Variants in ASB9 observed in about 807,000 individuals in gnomAD.
The protein encoded by ASB9 is ankyrin repeat and SOCS box protein 9.
A neutral mutation model predicts 16.6 loss-of-function variants in ASB9; 5 were observed. That is an observed-to-expected ratio of 0.30 (90% confidence interval 0.16 to 0.63). ASB9 has a LOEUF of 0.63. ASB9 is among the 30% of genes least tolerant of loss of function. The pLI is 0.82. For synonymous variants in ASB9, 100 were observed against 86.4 expected (o/e 1.16, Z -0.87); for missense variants, 216 against 229.4 (o/e 0.94, Z 0.38).
intron 3 of ASB9, among the ~76,000 whole-genome samples, chrX:15,252,623 C>CA (rs759822910): frequency 8.9e-6 from 1 of 111,964 alleles, no homozygotes; most frequent in Non-Finnish European, 1.9e-5. Context: ...CTATCTCCTC[C>CA]ATGCCCTCCC....
intron 1 of ASB9, among the ~76,000 whole-genome samples, chrX:15,267,275 G>T (rs1316686512): frequency 1.8e-5 from 2 of 111,676 alleles, no homozygotes; most frequent in African/African-American, 6.5e-5. Flanking sequence ...TTAGCCAGGC[G>T]TGTGCCTGTA....
chrX:15,267,415 A>ATATATATATAT (rs1303441346), intron 1 of ASB9, among the ~76,000 whole-genome samples: 2 of 48,306 alleles, frequency 4.1e-5, no homozygotes, highest in African/African-American at 1.4e-4. Context: ...ATCTAAAAAA[A>ATATATATATAT]AAATATATAT....
chrX:15,247,318 C>T (rs1924751623), intron 6 of ASB9, among the ~76,000 whole-genome samples: 1 of 111,962 alleles, frequency 8.9e-6, no homozygotes, highest in Non-Finnish European at 1.9e-5. Context: ...ATAGGCCACA[C>T]TGTCACCGTG....
chrX:15,268,594 T>C, intron 1 of ASB9, among the ~76,000 whole-genome samples: 1 of 105,034 alleles, frequency 9.5e-6, no homozygotes, highest in Non-Finnish European at 2.0e-5. Context: ...CCCAGCTAAT[T>C]TTTGTATTTT....
chrX:15,257,245 A>C (rs1351001898), intron 2 of ASB9, among the ~76,000 whole-genome samples: 1 of 110,849 alleles, frequency 9.0e-6, no homozygotes, highest in Non-Finnish European at 1.9e-5. Flanking sequence ...CCTCGTCTCT[A>C]CTAAAAATAT....
chrX:15,266,949 A>AGAAG (rs1926475840), intron 1 of ASB9, among the ~76,000 whole-genome samples: 1 of 91,316 alleles, frequency 1.1e-5, no homozygotes. Flanking sequence ...AAAAAAAAAA[A>AGAAG]AAAAGAAAAA....
chrX:15,256,578 C>T (rs182464091), intron 2 of ASB9, among the ~76,000 whole-genome samples: 1,175 of 107,055 alleles, frequency 0.011, 21 homozygotes, highest in African/African-American at 0.039. Flanking sequence ...GAGATCGAGA[C>T]CATCCTGGCT....
intron 2 of ASB9, among the ~76,000 whole-genome samples, chrX:15,256,818 T>C (rs776582481): frequency 7.8e-4 from 84 of 108,300 alleles, no homozygotes; most frequent in African/African-American, 2.6e-3. Context: ...GTGCCAACTT[T>C]TGTCGTGATC....
At chrX:15,256,795 GA>G (rs1301126076) in intron 2 of ASB9, among the ~76,000 whole-genome samples, 4 of 86,713 alleles carry the variant, frequency 4.6e-5, no homozygotes, top group African/African-American at 1.4e-4. Flanking sequence ...AAAAAAAAAA[GA>G]AAGAAAAAAA....
intron 1 of ASB9, among the ~76,000 whole-genome samples, chrX:15,267,511 A>G (rs1196218067): frequency 9.3e-4 from 78 of 84,233 alleles, no homozygotes; most frequent in Admixed American, 2.9e-3. Context: ...TTGGGAGGCC[A>G]AGGCGGGCGG....
At chrX:15,268,257 G>T (rs890916435) in intron 1 of ASB9, among the ~76,000 whole-genome samples, 1 of 105,333 alleles carries the variant, frequency 9.5e-6, no homozygotes, top group Admixed American at 1.0e-4. Context: ...TCTTGAACCC[G>T]GGAGGCAGAG....
Position 15,269,861 on chromosome X carries a change from T to C in ASB9, c.14A>G (p.Gln5Arg). ...GGGCTTGCTCCCATCCATGCCCCCT[T>C]GTTTGCCATCCATGATGCTCTCTCC... is the stretch of plus-strand genomic sequence containing the variant. MDGK[Q>R]GGMDGSKPAG... The change falls in exon 1 of 7, where the codon CAA becomes CGA. Residue 5 changes from glutamine (Q) to arginine (R), a missense_variant. By Grantham distance (43) the Gln-to-Arg change is conservative (BLOSUM62 1). Transcript: ENST00000380488. The C allele has an allele frequency of 8.3e-7, 1 of 1,205,660 alleles. No homozygotes were observed. Among genetic ancestry groups the C allele is most frequent in the Non-Finnish European group, 1.1e-6 (1 of 892,378 alleles).
intron 5 of ASB9, among the ~76,000 whole-genome samples, chrX:15,250,226 T>TC (rs1924993144): frequency 9.0e-6 from 1 of 110,759 alleles, no homozygotes; most frequent in Admixed American, 9.6e-5. Context: ...CTCCTCCTCC[T>TC]CCTCCTCATC....
intron 4 of ASB9, 63 bp from the exon 5 acceptor site, chrX:15,250,627 G>C: frequency 9.3e-7 from 1 of 1,073,241 alleles, no homozygotes. Context: ...GAAAGACATT[G>C]CCATCCCCAT....
chrX:15,270,229 TG>T (rs1198480304), upstream of ASB9: 4 of 150,942 alleles, frequency 2.7e-5, no homozygotes, highest in Non-Finnish European at 3.8e-5. Flanking sequence ...GAGGAAGCCT[TG>T]GAGTTTATCA....
rs1451856184 is a variant in ASB9, at chrX:15,245,155, G to C, written c.761-525C>G. ...ATGCTTCAATTCATAAGTGAAAAGT[G>C]AACTAGCTAGCACAAACCTTGCTTA... On this transcript the variant is annotated intron_variant, in intron 6 of 6. Coordinates refer to ENST00000380488, the MANE Select transcript of ASB9 (RefSeq NM_001031739.3). Among the ~76,000 whole-genome samples the C allele has an allele frequency of 2.7e-5, 3 of 111,698 alleles. No homozygotes were observed. In the Admixed American group the frequency reaches 2.9e-4, roughly 11 times the overall value.
intron 2 of ASB9, 85 bp downstream of exon 2, chrX:15,258,781 A>G (rs1449957107): frequency 2.7e-6 from 2 of 753,715 alleles, no homozygotes; most frequent in African/African-American, 4.1e-5. Flanking sequence ...TAATGAATTA[A>G]TTTAAAAGTC....
chrX:15,250,633 C>T, intron 4 of ASB9, 69 bp from the exon 5 acceptor site: 1 of 1,054,578 alleles, frequency 9.5e-7, no homozygotes, highest in Non-Finnish European at 1.3e-6. Context: ...CATTGCCATC[C>T]CCATTTTGCA....
chrX:15,249,134 G>A (rs1348385480), intron 5 of ASB9, among the ~76,000 whole-genome samples, 199 bp from the exon 6 acceptor site: 4 of 112,304 alleles, frequency 3.6e-5, no homozygotes, highest in Non-Finnish European at 7.5e-5. Context: ...TGAATGTACA[G>A]CATGAGGAAT....
Sources: gnomAD v4.1 joint callset for allele counts (sites outside exome capture counted in the v4.1 genomes callset) on GRCh38, gnomAD v4.1.1 for gene constraint, MANE v1.5 for transcripts, NCBI Gene and HGNC (gene_info 2026-07-23, HGNC 2026-07-21) for gene names.